The following KATNA1 variants were observed in gnomAD, a reference collection of about 807,000 sequenced individuals.
KATNA1 encodes the protein katanin p60 ATPase-containing subunit A1.
Under a neutral mutation model 62.6 loss-of-function variants are expected in KATNA1, and 42 were observed. The observed-to-expected ratio is 0.67, with a 90% CI of 0.52 to 0.87. KATNA1 has a LOEUF of 0.87. KATNA1 is among the 40% of genes least tolerant of loss of function. The probability of loss-of-function intolerance (pLI) is 0.00; values close to 1 mark genes in which losing one functional copy is unlikely to be tolerated. For missense variants in KATNA1, 498 were observed against 612.5 expected, an observed-to-expected ratio of 0.81 and a Z score of 1.97; for synonymous variants, 186 against 201.9, an observed-to-expected ratio of 0.92 and a Z score of 0.67.
At chr6:149,601,335 CAGA>C (rs767768241) in intron 7 of KATNA1, among the ~76,000 whole-genome samples, 3 of 152,098 alleles carry the variant, frequency 2.0e-5, no homozygotes, top group Non-Finnish European at 4.4e-5. Flanking sequence ...CAGATTCCTA[CAGA>C]AGATTAGTAA....
intron 4 of KATNA1, among the ~76,000 whole-genome samples, chr6:149,617,229 A>G (rs550408202): frequency 6.6e-6 from 1 of 152,324 alleles, no homozygotes; most frequent in South Asian, 2.1e-4. Context: ...CTGTGGATAG[A>G]CAGTAGTGAT....
At chr6:149,621,452 GA>G (rs1260935786) in intron 4 of KATNA1, among the ~76,000 whole-genome samples, 1 of 149,726 alleles carries the variant, frequency 6.7e-6, no homozygotes, top group Non-Finnish European at 1.5e-5. Context: ...TACACTGAGA[GA>G]AAAAAACCAT....
intron 4 of KATNA1, among the ~76,000 whole-genome samples, chr6:149,622,669 G>T (rs10782312): frequency 0.46 from 69,542 of 150,608 alleles, 17,290 homozygotes; most frequent in East Asian, 0.81. Flanking sequence ...GGTTTTATTA[G>T]AGCGCTGGCA....
rs1778378166 is a variant in KATNA1 at position 149,597,615 on chromosome 6, C to CAT, written c.1040_1041dup (p.Asp348MetfsTer19). On this transcript the variant is annotated frameshift_variant, in exon 9 of 11. Transcript: ENST00000367411. LOFTEE classifies it high-confidence loss of function. ...AGAACCATAACCATTTTGGAAGGGT[C>CAT]ATCATTTTCAGAAGTACCTCCAACA... 3 of 1,613,854 alleles carry CAT rather than the reference C, an allele frequency of 1.9e-6. No homozygotes were observed. In the East Asian group the frequency reaches 6.7e-5, roughly 36 times the overall value.
intron 4 of KATNA1, among the ~76,000 whole-genome samples, chr6:149,605,138 A>G (rs1778689851): frequency 6.6e-6 from 1 of 151,392 alleles, no homozygotes; most frequent in South Asian, 2.1e-4. Context: ...ATGCTACTGC[A>G]CTCCAGCCTG....
At chr6:149,613,206 A>AAAAAAAAAAAAAAAAAAAAAAAAT (rs1779031093) in intron 4 of KATNA1, among the ~76,000 whole-genome samples, 2 of 142,760 alleles carry the variant, frequency 1.4e-5, no homozygotes, top group African/African-American at 5.3e-5. Flanking sequence ...AAAAAAAAAA[A>AAAAAAAAAAAAAAAAAAAAAAAAT]AAAAAAAAAA....
At chr6:149,601,863 C>T in intron 6 of KATNA1, 111 bp from the exon 7 acceptor site, 1 of 675,612 alleles carries the variant, frequency 1.5e-6, no homozygotes, top group Non-Finnish European at 2.2e-6. Context: ...AATATCAAGA[C>T]AAATAAAAGA....
At chr6:149,597,265 T>C (rs1778361329) in intron 9 of KATNA1, 76 bp from the exon 10 acceptor site, 1 of 1,448,096 alleles carries the variant, frequency 6.9e-7, no homozygotes, top group African/African-American at 1.4e-5. Context: ...ATCTTCTTTG[T>C]GTGAGATGTT....
chr6:149,610,297 CAA>C (rs538165106), intron 4 of KATNA1, among the ~76,000 whole-genome samples: 22 of 114,630 alleles, frequency 1.9e-4, no homozygotes, highest in Admixed American at 2.8e-4. Flanking sequence ...GATCCTATCT[CAA>C]AAAAAAAAAA....
chr6:149,630,812 G>C (rs1779800042), intron 3 of KATNA1, among the ~76,000 whole-genome samples: 1 of 152,060 alleles, frequency 6.6e-6, no homozygotes, highest in Admixed American at 6.6e-5. Flanking sequence ...CTCTGGGAGT[G>C]ATGCCCCTAA....
At chr6:149,638,730 GT>G (rs1217719467) in intron 1 of KATNA1, 170 bp from the exon 2 acceptor site, 3,084 of 99,604 alleles carry the variant, frequency 0.031, 1 homozygote, top group South Asian at 0.077. Flanking sequence ...AAAAAACATT[GT>G]TTTTTTTTTT....
At position 149,632,932 on chromosome 6, in the gene KATNA1, A is replaced by G. The variant is rs1779907192; in HGVS notation, c.163-16T>C. ...CCTGCCAAACCTGATTTCAAAGAAG[A>G]AGATGGATGTTTAAATTTCTATAAT... On this transcript the variant is annotated splice_polypyrimidine_tract_variant and intron_variant, in intron 2 of 10. Transcript: ENST00000367411. 1 of 1,584,684 alleles carries G rather than the reference A, an allele frequency of 6.3e-7. No individual in the cohort carries two copies. Among genetic ancestry groups the G allele is most frequent in the African/African-American group, 1.4e-5 (1 of 73,320 alleles).
At chr6:149,615,132 C>CAAAAAAAAAAAAAAAAAAAAA (rs893824279) in intron 4 of KATNA1, among the ~76,000 whole-genome samples, 1 of 45,652 alleles carries the variant, frequency 2.2e-5, no homozygotes, top group African/African-American at 8.1e-5. Flanking sequence ...GACTCTGTCT[C>CAAAAAAAAAAAAAAAAAAAAA]AAAAAAAAAA....
At chr6:149,609,176 A>C (rs539636886) in intron 4 of KATNA1, among the ~76,000 whole-genome samples, 1 of 152,312 alleles carries the variant, frequency 6.6e-6, no homozygotes, top group African/African-American at 2.4e-5. Flanking sequence ...AAATAGCCTC[A>C]GAAACAAATA....
In KATNA1 at chr6:149,603,334, A is replaced by C; in HGVS notation, c.663T>G (p.Leu221=). ...ACATTGGTAACACTACGGCTTCCTTAAGCAACTTTTTAGCTTCTACTAAAT... is the reference window on the plus strand; with the variant it reads ...ACATTGGTAACACTACGGCTTCCTTCAGCAACTTTTTAGCTTCTACTAAAT... The part of the protein sequence containing the change: ...IADLVEAKKL[L]KEAVVLPMWM... The change falls in exon 6 of 11, where the codon CTT becomes CTG. Residue 221 remains leucine (L), a synonymous_variant. Coordinates refer to ENST00000367411, the MANE Select transcript of KATNA1 (RefSeq NM_007044.4). 1.9e-6 allele frequency: 3 copies of C among 1,601,326 alleles called. No homozygotes were observed. The highest frequency in any genetic ancestry group is 2.6e-6 in the Non-Finnish European group (3 of 1,171,100).
chr6:149,645,268 C>T (rs1046002136), intron 1 of KATNA1, among the ~76,000 whole-genome samples: 1 of 151,844 alleles, frequency 6.6e-6, no homozygotes, highest in African/African-American at 2.4e-5. Context: ...ACAGTGAAAC[C>T]CCATCTCTAC....
chr6:149,640,370 T>C (rs1323861076), intron 1 of KATNA1, among the ~76,000 whole-genome samples: 1 of 151,622 alleles, frequency 6.6e-6, no homozygotes, highest in African/African-American at 2.4e-5. Flanking sequence ...GGTGGGAGGA[T>C]TACCTGAGCC....
chr6:149,621,388 T>A (rs763301546), intron 4 of KATNA1, among the ~76,000 whole-genome samples: 5 of 152,074 alleles, frequency 3.3e-5, no homozygotes, highest in Admixed American at 6.6e-5. Flanking sequence ...CCTCCCAAAG[T>A]GCTGGGATTA....
intron 3 of KATNA1, among the ~76,000 whole-genome samples, chr6:149,626,356 G>A (rs1251810876): frequency 2.9e-5 from 4 of 137,062 alleles, no homozygotes; most frequent in African/African-American, 1.1e-4. Context: ...GTGCTGTGGC[G>A]CGATCTCCGC....
Sources: allele counts gnomAD v4.1 joint callset (sites outside exome capture counted in the v4.1 genomes callset), GRCh38; gene constraint gnomAD v4.1.1; transcripts MANE v1.5; gene names NCBI Gene and HGNC (gene_info 2026-07-23, HGNC 2026-07-21).